KANK2: variants seen among roughly 807,000 people sequenced by gnomAD.
KANK2 encodes KN motif and ankyrin repeat domains 2, also known as KN motif and ankyrin repeat domain-containing protein 2.
KANK2 carries 41 observed loss-of-function variants against 74.6 expected under a neutral mutation model. The observed-to-expected ratio is 0.55, with a 90% CI of 0.43 to 0.71. The LOEUF is 0.71. KANK2 is among the 30% of genes least tolerant of loss of function. The probability of loss-of-function intolerance (pLI) is 0.00; values close to 1 mark genes in which losing one functional copy is unlikely to be tolerated. For synonymous variants in KANK2, 537 were observed against 519.0 expected (o/e 1.03, Z -0.47); for missense variants, 1,148 against 1,196.4 (o/e 0.96, Z 0.60).
chr19:11,191,471 C>T (rs561126965), intron 4 of KANK2, among the ~76,000 whole-genome samples: 1 of 152,228 alleles, frequency 6.6e-6, no homozygotes, highest in African/African-American at 2.4e-5. Flanking sequence ...GGAAGCACCC[C>T]CTTCCTCCCT....
chr19:11,174,446 C>T (rs375645350), intron 9 of KANK2, 27 bp downstream of exon 9: 37 of 1,561,104 alleles, frequency 2.4e-5, no homozygotes, highest in Non-Finnish European at 6.1e-6. Flanking sequence ...TGGTTTAGAG[C>T]CGCCTCGTCC....
Position 11,170,016 on chromosome 19 carries a change from C to T in KANK2, c.2412+32G>A. ...TGACGTCCCCATGCTGTGCTCCCGC[C>T]CTCCCCGGGGTGCACCTGGTTGGAG... On this transcript the variant is annotated intron_variant, in intron 11 of 12. Coordinates refer to ENST00000586659, the MANE Select transcript of KANK2 (RefSeq NM_001136191.3). The surrounding 1 kb of genome is among the most constrained non-coding windows in gnomAD (Gnocchi z 5.2). 4 of 1,611,952 alleles carry T rather than the reference C, an allele frequency of 2.5e-6. No individual in the cohort carries two copies. The highest frequency in any genetic ancestry group is 1.3e-5 in the African/African-American group (1 of 75,020).
chr19:11,168,093 C>T (rs1200197820), intron 12 of KANK2, among the ~76,000 whole-genome samples: 1 of 150,856 alleles, frequency 6.6e-6, no homozygotes, highest in Admixed American at 6.6e-5. Context: ...ACCTCCACCT[C>T]CTGGGTTCAA....
chr19:11,172,293 G>T (rs1204066997), intron 10 of KANK2, among the ~76,000 whole-genome samples: 1 of 152,084 alleles, frequency 6.6e-6, no homozygotes, highest in Non-Finnish European at 1.5e-5. Context: ...TTTTGAAAAT[G>T]AAGCCACTAA....
At position 11,193,036 on chromosome 19, in the gene KANK2, G is replaced by A. The variant is rs768343388; in HGVS notation, c.1044C>T (p.Gly348=). The A allele has an allele frequency of 3.8e-5, 62 of 1,611,288 alleles. No homozygotes were observed. The highest frequency in any genetic ancestry group is 3.2e-4 in the South Asian group (29 of 90,972). The change falls in exon 4 of 13, where the codon GGC becomes GGT. Residue 348 remains glycine (G), a synonymous_variant. Transcript: ENST00000586659. The surrounding 1 kb of genome is among the most constrained non-coding windows in gnomAD (Gnocchi z 9.6). ...GGCTCTGGGCCCGCTGTGCGGGGGC[G>A]CCAGCGGCTGTGCTGGCCACCACCT... is the stretch of plus-strand genomic sequence containing the variant. The part of the protein sequence containing the change: ...EVEVVASTAA[G]APAQRAQSLE...
rs774428816 is a variant in KANK2 at position 11,170,060 on chromosome 19, T to A, written c.2400A>T (p.Ser800=). The A allele has an allele frequency of 2.4e-5, 39 of 1,613,426 alleles. No individual in the cohort carries two copies. In the South Asian group the frequency reaches 3.5e-4, roughly 15 times the overall value. The change falls in exon 11 of 13, where the codon TCA becomes TCT. Residue 800 remains serine, a synonymous_variant. Transcript: ENST00000586659. The surrounding 1 kb of genome is among the most constrained non-coding windows in gnomAD (Gnocchi z 5.2). ...LLLAVPSCDI[S]LTDRDGSTAL... is the part of the protein sequence containing the mutation. ...GTTGGAGACTCACGCGATCTGTGAG[T>A]GAGATGTCACAGCTGGGCACGGCCA...
In KANK2 at chr19:11,193,603, C is replaced by A; in HGVS notation, c.477G>T (p.Leu159=). 6.3e-7 allele frequency: 1 copy of A among 1,585,220 alleles called. No homozygotes were observed. The highest frequency in any genetic ancestry group is 1.1e-5 in the South Asian group (1 of 88,412). The change falls in exon 4 of 13, where the codon CTG becomes CTT. Residue 159 remains leucine (L), a synonymous_variant. Transcript: ENST00000586659. This position sits in a 1 kb window ranked among gnomAD's most constrained non-coding sequence, Gnocchi z 9.6. ...TPSAAGSTAS[L]VGVGLPPPTP... Reference sequence around the variant, plus strand: ...TCGGGGGTGGCAACCCCACGCCCACCAGGGAGGCTGTCGAGCCGGCCGCAC... The same window carrying A: ...TCGGGGGTGGCAACCCCACGCCCACAAGGGAGGCTGTCGAGCCGGCCGCAC...
chr19:11,177,638 C>T (rs2078384350), intron 6 of KANK2, among the ~76,000 whole-genome samples: 1 of 152,170 alleles, frequency 6.6e-6, no homozygotes, highest in Non-Finnish European at 1.5e-5. Context: ...AGATGTGAGC[C>T]ACCGCGCCCG....
At position 11,181,589 on chromosome 19, in the gene KANK2, G is replaced by A. The variant is rs899581636; in HGVS notation, c.1250-2869C>T. ...AAACAGACAGAAAATAGAATGGTGG[G>A]TGCCAGGGGCTGGGGGAAGGAGAAT... is the stretch of plus-strand genomic sequence containing the variant. On this transcript the variant is annotated intron_variant, in intron 4 of 12. Transcript: ENST00000586659. 3.3e-5 allele frequency among the ~76,000 whole-genome samples: 5 copies of A among 152,244 alleles called. No homozygotes were observed. In the South Asian group the frequency reaches 8.3e-4, roughly 25 times the overall value.
intron 6 of KANK2, among the ~76,000 whole-genome samples, chr19:11,177,595 A>G (rs1421180839): frequency 1.3e-5 from 2 of 151,278 alleles, no homozygotes; most frequent in Non-Finnish European, 3.0e-5. Flanking sequence ...CAAGTGATCC[A>G]CCCGCCTCAG....
At chr19:11,182,536 A>G (rs1302721758) in intron 4 of KANK2, among the ~76,000 whole-genome samples, 1 of 141,962 alleles carries the variant, frequency 7.0e-6, no homozygotes, top group Non-Finnish European at 1.6e-5. Flanking sequence ...TAAAAAAAAA[A>G]ACAAAAAAAC....
chr19:11,190,286 C>T (rs969871329), intron 4 of KANK2, among the ~76,000 whole-genome samples: 5 of 152,096 alleles, frequency 3.3e-5, no homozygotes, highest in Admixed American at 6.6e-5. Context: ...TGCCAACACG[C>T]CCAGCTAATT....
chr19:11,192,955 G>A lies in KANK2; in HGVS notation c.1125C>T (p.Ser375=). ...RALAMPGRPE[S]PPVFRSQEVV... ...CCTCCTGGCTGCGGAACACAGGTGG[G>A]CTCTCAGGCCTACCAGGCATTGCCA... Residue 375 remains serine, a synonymous_variant, in exon 4 of 13, where the codon AGC becomes AGT. Coordinates refer to ENST00000586659, the MANE Select transcript of KANK2 (RefSeq NM_001136191.3). 1.9e-6 allele frequency: 3 copies of A among 1,614,154 alleles called. No homozygotes were observed. The highest frequency in any genetic ancestry group is 2.5e-6 in the Non-Finnish European group (3 of 1,180,014).
chr19:11,192,815 GCCTGCGACCGCTTA>G lies in KANK2; in HGVS notation c.1249+2_1249+15del. ...CCCCCCAAGCCATTCTCCCCTGCCT[GCCTGCGACCGCTTA>G]CCTGCTGCTCCATCGCAGCTTCGCT... On this transcript the variant is annotated splice_donor_variant and splice_donor_5th_base_variant and intron_variant, in intron 4 of 12. Transcript: ENST00000586659. LOFTEE classifies it high-confidence loss of function. 6.3e-7 allele frequency: 1 copy of G among 1,590,890 alleles called. No individual in the cohort carries two copies. Among genetic ancestry groups the G allele is most frequent in the Non-Finnish European group, 8.6e-7 (1 of 1,168,448 alleles).
At chr19:11,171,425 T>G (rs1399569672) in intron 10 of KANK2, among the ~76,000 whole-genome samples, 4 of 151,640 alleles carry the variant, frequency 2.6e-5, no homozygotes, top group African/African-American at 9.7e-5. Context: ...CCAGCCTGGG[T>G]GACACAGTGA....
intron 4 of KANK2, among the ~76,000 whole-genome samples, chr19:11,186,731 T>C (rs1229295745): frequency 6.6e-6 from 1 of 151,774 alleles, no homozygotes; most frequent in Non-Finnish European, 1.5e-5. Flanking sequence ...GAAAGACAGA[T>C]AAAGCCATAT....
chr19:11,166,608 C>G lies in KANK2; in HGVS notation c.2506G>C (p.Ala836Pro), dbSNP rs761494510. The change falls in exon 13 of 13, where the codon GCC becomes CCC. Residue 836 changes from alanine (A) to proline (P), a missense_variant. By Grantham distance (27) the Ala-to-Pro change is conservative. Coordinates refer to ENST00000586659, the MANE Select transcript of KANK2 (RefSeq NM_001136191.3). Reference sequence around the variant, plus strand: ...GGGCTCTCGTCATCTGACATTGGGGCAAACTGAAACAGAGAAGCAGAATTC... The same window carrying G: ...GGGCTCTCGTCATCTGACATTGGGGGAAACTGAAACAGAGAAGCAGAATTC... ...YSRMNIKCSF[A>P]PMSDDESPTS... 2.5e-6 allele frequency: 4 copies of G among 1,614,164 alleles called. No individual in the cohort carries two copies. In the South Asian group the frequency reaches 4.4e-5, roughly 18 times the overall value.
intron 7 of KANK2, 73 bp from the exon 8 acceptor site, chr19:11,176,062 C>T (rs992890095): frequency 5.2e-5 from 61 of 1,165,890 alleles, no homozygotes; most frequent in Non-Finnish European, 7.4e-5. Flanking sequence ...TGACATTCTG[C>T]ACCACGTCAC....
At position 11,173,013 on chromosome 19, in the gene KANK2, G is replaced by A. The variant is rs779350628; in HGVS notation, c.2179C>T (p.Arg727Trp). The change falls in exon 10 of 13, where the codon CGG (arginine) becomes TGG (tryptophan). Residue 727 changes from arginine to tryptophan, a missense_variant. Arg to Trp is a moderately radical substitution (Grantham distance 101). Transcript: ENST00000586659. ...GCTTTGGCATTGATGTTGCCAAGCCGGAAGAGCTGAAGGACAGTCTCGATG... is the reference window on the plus strand; with the variant it reads ...GCTTTGGCATTGATGTTGCCAAGCCAGAAGAGCTGAAGGACAGTCTCGATG... ...DDIETVLQLFRLGNINAKASQ... is the reference protein window; with the variant it reads ...DDIETVLQLFWLGNINAKASQ... 30 of 1,613,886 alleles carry A rather than the reference G, an allele frequency of 1.9e-5. No individual in the cohort carries two copies. The highest frequency in any genetic ancestry group is 4.0e-5 in the African/African-American group (3 of 74,896).
Sources: gnomAD v4.1 joint callset for allele counts (sites outside exome capture counted in the v4.1 genomes callset) on GRCh38, gnomAD v4.1.1 for gene constraint, Gnocchi (gnomAD v3.1) non-coding constraint, MANE v1.5 for transcripts, NCBI Gene and HGNC (gene_info 2026-07-23, HGNC 2026-07-21) for gene names.